The following PRR5L variants were observed in gnomAD, a reference collection of about 807,000 sequenced individuals.
PRR5L encodes proline rich 5 like.
Under a neutral mutation model 36.4 loss-of-function variants are expected in PRR5L, and 21 were observed. The observed-to-expected ratio is 0.58, with a 90% confidence interval of 0.41 to 0.83. The LOEUF (loss-of-function observed/expected upper bound fraction) is 0.83, where lower values mean the gene tolerates loss of function less well. Ranked by LOEUF, PRR5L falls within the 40% of genes least tolerant of loss-of-function variation. The pLI is 0.00. For synonymous variants in PRR5L, 188 were observed against 197.0 expected, an observed-to-expected ratio of 0.95 and a Z score of 0.38; for missense variants, 381 against 473.3, an observed-to-expected ratio of 0.80 and a Z score of 1.81.
At chr11:36,420,065 G>C (rs1337878488) in intron 4 of PRR5L, among the ~76,000 whole-genome samples, 2 of 152,184 alleles carry the variant, frequency 1.3e-5, no homozygotes, top group Non-Finnish European at 2.9e-5. Flanking sequence ...ACAGACGCAA[G>C]CTGTTTTCAT....
rs1357893603 is a variant in PRR5L at position 36,351,654 on chromosome 11, TATAA to T, written c.-125-49339_-125-49336del. ...ATATAAATATATATTTATATATTTA[TATAA>T]ATATATATTTATATACTTATATATT... On this transcript the variant is annotated intron_variant, in intron 1 of 8. Transcript: ENST00000530639. Among the ~76,000 whole-genome samples, 9 of 3,646 alleles carry T rather than the reference TATAA, an allele frequency of 2.5e-3. 1 individual carries two copies. In the South Asian group the frequency reaches 0.043, roughly 17 times the overall value. 2.4% of individuals were successfully genotyped at this position (3,646 alleles called of 152,430 possible). A position where few individuals can be genotyped will look rare whatever the true frequency, so the allele number is the denominator to read the frequency against.
intron 1 of PRR5L, among the ~76,000 whole-genome samples, chr11:36,334,086 G>A (rs959712799): frequency 4.6e-5 from 7 of 152,128 alleles, no homozygotes; most frequent in Non-Finnish European, 8.8e-5. Context: ...AAGAGCACAT[G>A]GGAGTCTCTT....
chr11:36,314,713 C>T (rs2218565), intron 1 of PRR5L, among the ~76,000 whole-genome samples: 53,284 of 152,056 alleles, frequency 0.35, 9,736 homozygotes, highest in East Asian at 0.73. Flanking sequence ...CGCAGCCCAA[C>T]GTCTTCAACT....
intron 1 of PRR5L, among the ~76,000 whole-genome samples, chr11:36,366,914 T>C: frequency 6.6e-6 from 1 of 152,192 alleles, no homozygotes; most frequent in South Asian, 2.1e-4. Context: ...CTCCCTTCCT[T>C]CCCTTCTCCT....
At chr11:36,436,035 T>C (rs1353732596) in intron 5 of PRR5L, among the ~76,000 whole-genome samples, 1 of 152,190 alleles carries the variant, frequency 6.6e-6, no homozygotes, top group Non-Finnish European at 1.5e-5. Flanking sequence ...AAGTTGAGGG[T>C]GCCCTGGATT....
rs115657091 is a variant in PRR5L at position 36,441,222 on chromosome 11, G to A, written c.444+3746G>A. On this transcript the variant is annotated intron_variant, in intron 6 of 8. Transcript: ENST00000530639. ...CAATCAGAAGTTCAAAGTCTCATCT[G>A]AGACTCAAGGCAAGTTCCTTGCACC... Among the ~76,000 whole-genome samples the A allele has an allele frequency of 1.8e-3, 271 of 152,232 alleles. 1 individual carries two copies. Among genetic ancestry groups the A allele is most frequent in the African/African-American group, 6.1e-3 (253 of 41,536 alleles).
intron 1 of PRR5L, chr11:36,394,375 CTT>C (rs1242111934): frequency 1.3e-5 from 2 of 152,252 alleles, no homozygotes; most frequent in East Asian, 3.8e-4. Context: ...CAAGGTAACT[CTT>C]CCTATTCTCA....
chr11:36,302,002 G>A (rs537872364), intron 1 of PRR5L, among the ~76,000 whole-genome samples: 1 of 152,300 alleles, frequency 6.6e-6, no homozygotes, highest in Admixed American at 6.5e-5. Flanking sequence ...GACAGAAAGA[G>A]AATGTGCAAA....
intron 1 of PRR5L, chr11:36,376,819 G>A (rs1271407276): frequency 1.3e-6 from 1 of 792,746 alleles, no homozygotes; most frequent in Non-Finnish European, 1.5e-6. Flanking sequence ...GCGTGGCGGG[G>A]GTAGGAGCTA....
chr11:36,457,183 C>T (rs1056602612), intron 8 of PRR5L, among the ~76,000 whole-genome samples: 2 of 152,206 alleles, frequency 1.3e-5, no homozygotes, highest in East Asian at 1.9e-4. Flanking sequence ...CCTGTTCTCT[C>T]GATTTACCCT....
chr11:36,399,009 CCTGT>C, intron 1 of PRR5L, among the ~76,000 whole-genome samples: 1 of 152,306 alleles, frequency 6.6e-6, no homozygotes, highest in South Asian at 2.1e-4. Flanking sequence ...CGAAATGGAT[CCTGT>C]CTTAGTAGTG....
chr11:36,307,740 T>A (rs10836533), intron 1 of PRR5L, among the ~76,000 whole-genome samples: 2 of 152,168 alleles, frequency 1.3e-5, no homozygotes, highest in Non-Finnish European at 2.9e-5. Flanking sequence ...GAACTTCTTC[T>A]TCCTTTTCTT....
At position 36,312,442 on chromosome 11, in the gene PRR5L, G is replaced by A. The variant is rs528569200; in HGVS notation, c.-126+16004G>A. Reference sequence around the variant, plus strand: ...TGTGCTGTCTACATTTCACTCAGCAGGTGTGCTTTACACCAAGTAGGTGCT... The same window carrying A: ...TGTGCTGTCTACATTTCACTCAGCAAGTGTGCTTTACACCAAGTAGGTGCT... On this transcript the variant is annotated intron_variant, in intron 1 of 8. Transcript: ENST00000530639. Among the ~76,000 whole-genome samples, 5 of 152,354 alleles carry A rather than the reference G, an allele frequency of 3.3e-5. No homozygotes were observed. In the South Asian group the frequency reaches 1.0e-3, roughly 32 times the overall value.
At chr11:36,421,454 G>T (rs1858263749) in intron 4 of PRR5L, among the ~76,000 whole-genome samples, 1 of 152,194 alleles carries the variant, frequency 6.6e-6, no homozygotes, top group Non-Finnish European at 1.5e-5. Context: ...GGGGTGTGGG[G>T]CGAGAACTAG....
intron 1 of PRR5L, among the ~76,000 whole-genome samples, chr11:36,314,145 T>G (rs957480056): frequency 6.6e-6 from 1 of 152,100 alleles, no homozygotes; most frequent in African/African-American, 2.4e-5. Context: ...CTGTAATGAG[T>G]CTTTTCGTTT....
chr11:36,369,329 T>C (rs768462660), intron 1 of PRR5L, among the ~76,000 whole-genome samples: 3 of 152,122 alleles, frequency 2.0e-5, no homozygotes, highest in African/African-American at 2.4e-5. Context: ...ACCAGTTATC[T>C]TATATAGCAC....
intron 1 of PRR5L, among the ~76,000 whole-genome samples, chr11:36,332,460 CTATA>C (rs1174000880): frequency 2.6e-5 from 4 of 152,198 alleles, no homozygotes; most frequent in Admixed American, 2.6e-4. Context: ...TGTTAATCTA[CTATA>C]TAACCTGAGT....
chr11:36,463,008 C>A lies in PRR5L; in HGVS notation c.*272C>A. 2.7e-6 allele frequency: 1 copy of A among 373,462 alleles called. No individual in the cohort carries two copies. The highest frequency in any genetic ancestry group is 4.8e-6 in the Non-Finnish European group (1 of 208,566). The allele number at this position is 373,462 out of a possible 1,614,324, so 23.1% of individuals were successfully genotyped here. A position where few individuals can be genotyped will look rare whatever the true frequency, so the allele number is the denominator to read the frequency against. On this transcript the variant is annotated 3_prime_UTR_variant, in exon 9 of 9. Transcript: ENST00000530639. Reference sequence around the variant, plus strand: ...CAGCCTTGCCAGCCTGACTCAGATCCTCATCTCTGGGCCTTTCTCCCTCCG... The same window carrying A: ...CAGCCTTGCCAGCCTGACTCAGATCATCATCTCTGGGCCTTTCTCCCTCCG...
intron 5 of PRR5L, among the ~76,000 whole-genome samples, chr11:36,433,395 C>T (rs1017311318): frequency 2.6e-5 from 4 of 152,140 alleles, no homozygotes; most frequent in Non-Finnish European, 5.9e-5. Flanking sequence ...AGCATAAGGT[C>T]CTCAAATTCA....
Sources: allele counts gnomAD v4.1 joint callset (sites outside exome capture counted in the v4.1 genomes callset), GRCh38; gene constraint gnomAD v4.1.1; transcripts MANE v1.5; gene names NCBI Gene and HGNC (gene_info 2026-07-23, HGNC 2026-07-21).